Variants in NEGR1 observed in about 807,000 individuals in gnomAD.
The protein encoded by NEGR1 is neuronal growth regulator 1.
Under a neutral mutation model 40.9 loss-of-function variants are expected in NEGR1, and 10 were observed. The ratio of observed to expected loss-of-function variants is 0.24; its 90% CI spans 0.15 to 0.42. The LOEUF (loss-of-function observed/expected upper bound fraction) is 0.42, where lower values mean the gene tolerates loss of function less well. Ranked by LOEUF, NEGR1 falls within the 10% of genes least tolerant of loss-of-function variation. The probability of loss-of-function intolerance (pLI) is 1.00; values close to 1 mark genes in which losing one functional copy is unlikely to be tolerated. For synonymous variants in NEGR1, 185 were observed against 166.8 expected, an observed-to-expected ratio of 1.11 and a Z score of -0.84; for missense variants, 352 against 438.9, an observed-to-expected ratio of 0.80 and a Z score of 1.77.
chr1:71,532,719 A>C (rs550152746), intron 6 of NEGR1, among the ~76,000 whole-genome samples: 3 of 151,720 alleles, frequency 2.0e-5, no homozygotes, highest in Non-Finnish European at 4.4e-5. Flanking sequence ...GACATATCAC[A>C]GATAGACGAG....
chr1:71,747,639 G>A (rs1318764547), intron 3 of NEGR1, among the ~76,000 whole-genome samples: 1 of 151,848 alleles, frequency 6.6e-6, no homozygotes, highest in East Asian at 1.9e-4. Context: ...TGGCCAGTCT[G>A]GTCTCAAACT....
intron 5 of NEGR1, among the ~76,000 whole-genome samples, chr1:71,609,546 A>G (rs1486343119): frequency 7.1e-6 from 1 of 141,808 alleles, no homozygotes; most frequent in Non-Finnish European, 1.5e-5. Context: ...AAAAAAAAAA[A>G]AAAAAAAAAA....
intron 1 of NEGR1, among the ~76,000 whole-genome samples, chr1:72,129,135 T>C (rs531545064): frequency 6.6e-6 from 1 of 152,274 alleles, no homozygotes; most frequent in African/African-American, 2.4e-5. Context: ...CCCTTAATAG[T>C]GTGAGACAAC....
intron 6 of NEGR1, among the ~76,000 whole-genome samples, chr1:71,498,801 T>C (rs1646981628): frequency 6.6e-6 from 1 of 152,184 alleles, no homozygotes; most frequent in Non-Finnish European, 1.5e-5. Flanking sequence ...ATCATTTGCC[T>C]TAATCATAGG....
chr1:71,667,448 A>G (rs1652280574), intron 4 of NEGR1, among the ~76,000 whole-genome samples: 1 of 152,120 alleles, frequency 6.6e-6, no homozygotes, highest in Non-Finnish European at 1.5e-5. Context: ...CAGTGTTGCA[A>G]TCTGGTGGCA....
At chr1:71,575,147 A>G (rs371624058) in intron 6 of NEGR1, among the ~76,000 whole-genome samples, 115 of 152,314 alleles carry the variant, frequency 7.6e-4, no homozygotes, top group African/African-American at 2.7e-3. Context: ...AGGAATATAC[A>G]TATCTCTGCT....
At chr1:72,249,702 A>G (rs1655021362) in intron 1 of NEGR1, among the ~76,000 whole-genome samples, 1 of 152,234 alleles carries the variant, frequency 6.6e-6, no homozygotes, top group Non-Finnish European at 1.5e-5. Flanking sequence ...GACATTTGTT[A>G]TGAAATTTAA....
intron 2 of NEGR1, among the ~76,000 whole-genome samples, chr1:71,875,967 G>GTTATACTT (rs1448210965): frequency 2.6e-5 from 4 of 151,988 alleles, no homozygotes; most frequent in Non-Finnish European, 5.9e-5. Flanking sequence ...TAAACCTAAA[G>GTTATACTT]TTATACTTCC....
At chr1:71,675,126 T>TATATATATATATATATATACAC (rs145354058) in intron 4 of NEGR1, among the ~76,000 whole-genome samples, 1,692 of 77,704 alleles carry the variant, frequency 0.022, 95 homozygotes, top group African/African-American at 0.06. Flanking sequence ...TATATATATA[T>TATATATATATATATATATACAC]ACACACACAC....
intron 1 of NEGR1, among the ~76,000 whole-genome samples, chr1:72,219,096 G>A (rs775117102): frequency 2.0e-5 from 3 of 152,002 alleles, no homozygotes; most frequent in Non-Finnish European, 4.4e-5. Context: ...AGTTGCCTGA[G>A]TATAGGTCTG....
At chr1:72,126,520 T>C (rs1056075289) in intron 1 of NEGR1, among the ~76,000 whole-genome samples, 2 of 152,166 alleles carry the variant, frequency 1.3e-5, no homozygotes, top group South Asian at 2.1e-4. Flanking sequence ...AGCACCATAC[T>C]ATGACACAAA....
intron 1 of NEGR1, among the ~76,000 whole-genome samples, chr1:72,083,057 T>C (rs1253806085): frequency 3.9e-5 from 6 of 152,172 alleles, no homozygotes; most frequent in African/African-American, 1.4e-4. Flanking sequence ...CTGAAATCAA[T>C]TAAATATCAA....
intron 2 of NEGR1, among the ~76,000 whole-genome samples, chr1:71,819,427 G>C (rs72948065): frequency 6.6e-6 from 1 of 151,972 alleles, no homozygotes; most frequent in East Asian, 1.9e-4. Flanking sequence ...AGAGAGGTTC[G>C]AGAAGGGTTT....
intron 1 of NEGR1, among the ~76,000 whole-genome samples, chr1:72,027,990 C>T (rs1569847490): frequency 6.6e-6 from 1 of 152,232 alleles, no homozygotes; most frequent in Non-Finnish European, 1.5e-5. Flanking sequence ...CCTGTACTTA[C>T]AATACCCTAC....
intron 2 of NEGR1, among the ~76,000 whole-genome samples, chr1:71,781,566 T>C (rs1656718642): frequency 2.0e-5 from 3 of 152,078 alleles, no homozygotes; most frequent in African/African-American, 7.2e-5. Context: ...GGCTAAAAGG[T>C]AGATGGAATA....
chr1:71,825,574 A>T (rs146539066), intron 2 of NEGR1, among the ~76,000 whole-genome samples: 1 of 152,012 alleles, frequency 6.6e-6, no homozygotes, highest in East Asian at 1.9e-4. Flanking sequence ...ACTTTATAAT[A>T]AACAAGACTA....
chr1:71,452,380 T>A (rs976557440), intron 6 of NEGR1, among the ~76,000 whole-genome samples: 1 of 152,198 alleles, frequency 6.6e-6, no homozygotes, highest in African/African-American at 2.4e-5. Context: ...GATTTGAAAA[T>A]GATTTCTGAC....
chr1:72,213,175 T>C lies in NEGR1; in HGVS notation c.176+69144A>G, dbSNP rs970164187. Among the ~76,000 whole-genome samples, 3 of 152,040 alleles carry C rather than the reference T, an allele frequency of 2.0e-5. No homozygotes were observed. In the East Asian group the frequency reaches 5.8e-4, roughly 29 times the overall value. On this transcript the variant is annotated intron_variant, in intron 1 of 6. Transcript: ENST00000357731. The stretch of plus-strand genomic sequence containing the variant: ...CATATAAAATTCTAAAGTTATTAAT[T>C]TTCATATTGATATAGGAGCAGAAGA...
chr1:72,270,259 T>C (rs1374223494), intron 1 of NEGR1, among the ~76,000 whole-genome samples: 1 of 151,918 alleles, frequency 6.6e-6, no homozygotes, highest in Non-Finnish European at 1.5e-5. Context: ...ATCTGAATCA[T>C]GATCTTGATG....
Sources: allele counts gnomAD v4.1 joint callset (sites outside exome capture counted in the v4.1 genomes callset), GRCh38; gene constraint gnomAD v4.1.1; transcripts MANE v1.5; gene names NCBI Gene and HGNC (gene_info 2026-07-23, HGNC 2026-07-21).